MALRD1: variants seen among roughly 807,000 people sequenced by gnomAD.
The protein encoded by MALRD1 is MAM and LDL receptor class A domain containing 1.
Under a neutral mutation model 242.1 loss-of-function variants are expected in MALRD1, and 247 were observed. That is an observed-to-expected ratio of 1.02 (90% CI 0.92 to 1.13). The LOEUF (loss-of-function observed/expected upper bound fraction) is 1.13. Among genes scored for constraint, MALRD1 ranks in the 50% most tolerant of loss-of-function variants. The pLI is 0.00. For missense variants in MALRD1, 2,989 were observed against 2,533.1 expected (o/e 1.18, Z -3.86); for synonymous variants, 995 against 866.6 (o/e 1.15, Z -2.60).
chr10:19,654,762 A>G (rs1252448218), intron 36 of MALRD1, among the ~76,000 whole-genome samples: 1 of 152,202 alleles, frequency 6.6e-6, no homozygotes, highest in Non-Finnish European at 1.5e-5. Flanking sequence ...GAAAATATCC[A>G]GGCACAGAAG....
chr10:19,388,834 A>G (rs1768838713), intron 27 of MALRD1, among the ~76,000 whole-genome samples: 2 of 148,092 alleles, frequency 1.4e-5, no homozygotes, highest in Admixed American at 1.4e-4. Flanking sequence ...CCTGGATGCT[A>G]CGTCATAGGC....
At chr10:19,422,596 T>A (rs1369520629) in intron 28 of MALRD1, among the ~76,000 whole-genome samples, 1 of 152,176 alleles carries the variant, frequency 6.6e-6, no homozygotes, top group African/African-American at 2.4e-5. Flanking sequence ...AAATGAGAAT[T>A]GCATTTTTAT....
chr10:19,626,916 A>G (rs955378285), intron 36 of MALRD1, among the ~76,000 whole-genome samples: 3 of 152,120 alleles, frequency 2.0e-5, no homozygotes, highest in African/African-American at 7.2e-5. Context: ...TTAAAGCCAA[A>G]ATTATGAAAT....
At chr10:19,714,326 C>A (rs554044636) in intron 38 of MALRD1, among the ~76,000 whole-genome samples, 1 of 152,074 alleles carries the variant, frequency 6.6e-6, no homozygotes, top group Non-Finnish European at 1.5e-5. Flanking sequence ...TGGCTGGGCT[C>A]CCCTCCAACC....
chr10:19,370,338 T>G lies in MALRD1; in HGVS notation c.4442-17190T>G, dbSNP rs1588977237. 1.3e-5 allele frequency among the ~76,000 whole-genome samples: 2 copies of G among 152,276 alleles called. 1 individual carries two copies. The highest frequency in any genetic ancestry group is 3.9e-4 in the East Asian group (2 of 5,186). On this transcript the variant is annotated intron_variant, in intron 26 of 39. Transcript: ENST00000454679. Reference sequence around the variant, plus strand: ...GGATTGGTGTATGAATTATATTGACTTTTCCTATCCATGGGCATGATATAT... The same window carrying G: ...GGATTGGTGTATGAATTATATTGACGTTTCCTATCCATGGGCATGATATAT...
At chr10:19,470,105 C>A (rs1008468409) in intron 29 of MALRD1, among the ~76,000 whole-genome samples, 6 of 152,004 alleles carry the variant, frequency 3.9e-5, no homozygotes, top group Non-Finnish European at 8.8e-5. Flanking sequence ...ATTACCTCCA[C>A]ATTTCCCCCT....
At chr10:19,322,521 C>G (rs1442298561) in intron 21 of MALRD1, among the ~76,000 whole-genome samples, 1 of 152,044 alleles carries the variant, frequency 6.6e-6, no homozygotes, top group African/African-American at 2.4e-5. Context: ...CTTATTAACA[C>G]CATACATGGA....
intron 21 of MALRD1, among the ~76,000 whole-genome samples, chr10:19,299,597 A>G (rs1475127070): frequency 2.0e-5 from 3 of 152,042 alleles, no homozygotes; most frequent in East Asian, 3.9e-4. Context: ...GTGATTCAGC[A>G]TATAAACAGA....
intron 24 of MALRD1, among the ~76,000 whole-genome samples, chr10:19,337,027 A>G (rs1160148515): frequency 1.3e-5 from 2 of 152,090 alleles, no homozygotes; most frequent in Non-Finnish European, 2.9e-5. Flanking sequence ...TAAACAGAAA[A>G]TATATATTGT....
rs1056502628 is a variant in MALRD1 at position 19,332,444 on chromosome 10, C to T, written c.3901+862C>T. Among the ~76,000 whole-genome samples, 9 of 152,006 alleles carry T rather than the reference C, an allele frequency of 5.9e-5. No homozygotes were observed. The South Asian group carries it at 6.2e-4, about 10-fold the overall frequency. On this transcript the variant is annotated intron_variant, in intron 24 of 39. Coordinates refer to ENST00000454679, the MANE Select transcript of MALRD1 (RefSeq NM_001142308.3). Reference sequence around the variant, plus strand: ...TAATGAACACCATATATTAAAATATCCTTAGCTAAATGCACCATATGTACT... The same window carrying T: ...TAATGAACACCATATATTAAAATATTCTTAGCTAAATGCACCATATGTACT...
intron 19 of MALRD1, among the ~76,000 whole-genome samples, chr10:19,275,769 A>T (rs773505746): frequency 8.5e-5 from 13 of 152,224 alleles, no homozygotes; most frequent in Non-Finnish European, 1.9e-4. Flanking sequence ...TTAAAGTAGT[A>T]CAGTCAGTGA....
At position 19,095,797 on chromosome 10, in the gene MALRD1, A is replaced by T. The variant is rs10826937; in HGVS notation, c.597+7612A>T. 6.3e-3 allele frequency among the ~76,000 whole-genome samples: 952 copies of T among 152,048 alleles called. 10 individuals carry two copies. Among genetic ancestry groups the T allele is most frequent in the African/African-American group, 0.022 (905 of 41,462 alleles). On this transcript the variant is annotated intron_variant, in intron 4 of 39. Coordinates refer to ENST00000454679, the MANE Select transcript of MALRD1 (RefSeq NM_001142308.3). ...GTTATTTTATTTCTTAAACTTCTCA[A>T]TTCCCTGTGTCTGCTTGTTGTCTCA... is the stretch of plus-strand genomic sequence containing the variant.
chr10:19,615,516 C>CAAAAAAAAAAAAAAAAAAAAAAAAA (rs530920512), intron 35 of MALRD1, among the ~76,000 whole-genome samples: 2 of 37,224 alleles, frequency 5.4e-5, no homozygotes, highest in African/African-American at 2.8e-4. Context: ...GACCCTGCCT[C>CAAAAAAAAAAAAAAAAAAAAAAAAA]AAAAAAAAAA....
At chr10:19,539,491 T>C (rs1268846381) in intron 32 of MALRD1, among the ~76,000 whole-genome samples, 1 of 152,208 alleles carries the variant, frequency 6.6e-6, no homozygotes, top group Non-Finnish European at 1.5e-5. Flanking sequence ...GTGTTCTGCA[T>C]ATTATATTTT....
chr10:19,606,593 C>A (rs1376862136), intron 34 of MALRD1, among the ~76,000 whole-genome samples: 1 of 152,104 alleles, frequency 6.6e-6, no homozygotes, highest in African/African-American at 2.4e-5. Context: ...GCAGTAGGTT[C>A]ATGCTTTGAC....
At chr10:19,420,260 A>G (rs577921642) in intron 28 of MALRD1, among the ~76,000 whole-genome samples, 23 of 152,120 alleles carry the variant, frequency 1.5e-4, no homozygotes, top group Non-Finnish European at 2.8e-4. Flanking sequence ...TGTTTATGAC[A>G]GAGCAGGTAA....
chr10:19,316,869 G>C (rs1842727926), intron 21 of MALRD1, among the ~76,000 whole-genome samples: 1 of 151,728 alleles, frequency 6.6e-6, no homozygotes, highest in African/African-American at 2.4e-5. Context: ...CACACTGGGA[G>C]ACTATAGTCA....
intron 28 of MALRD1, among the ~76,000 whole-genome samples, chr10:19,441,261 T>C (rs528772130): frequency 5.2e-4 from 79 of 152,326 alleles, no homozygotes; most frequent in African/African-American, 1.8e-3. Context: ...GATGGGTAGA[T>C]TGTAAAAATT....
chr10:19,165,686 C>G lies in MALRD1; in HGVS notation c.1706C>G (p.Thr569Arg). The G allele has an allele frequency of 8.1e-7, 1 of 1,231,596 alleles. No individual in the cohort carries two copies. The highest frequency in any genetic ancestry group is 4.1e-5 in the South Asian group (1 of 24,310). 76.3% of individuals were successfully genotyped at this position (1,231,596 alleles called of 1,614,324 possible). A position where few individuals can be genotyped will look rare whatever the true frequency, so the allele number is the denominator to read the frequency against. The change falls in exon 13 of 40, where the codon ACA becomes AGA. Residue 569 changes from threonine to arginine, a missense_variant. Transcript: ENST00000454679. Reference protein sequence around the residue: ...LSQHSNLSVFTRTSLDGNLQK... With the variant: ...LSQHSNLSVFRRTSLDGNLQK... Reference sequence around the variant, plus strand: ...CAACATTCAAATCTCTCAGTTTTTACAAGAACGTCTCTAGATGGAAACTTG... The same window carrying G: ...CAACATTCAAATCTCTCAGTTTTTAGAAGAACGTCTCTAGATGGAAACTTG...
Sources: allele counts gnomAD v4.1 joint callset (sites outside exome capture counted in the v4.1 genomes callset), GRCh38; gene constraint gnomAD v4.1.1; transcripts MANE v1.5; gene names NCBI Gene and HGNC (gene_info 2026-07-23, HGNC 2026-07-21).